CDK6: variants seen among roughly 807,000 people sequenced by gnomAD.
The protein encoded by CDK6 is cyclin-dependent kinase 6.
A neutral mutation model predicts 37.1 loss-of-function variants in CDK6; 6 were observed. The ratio of observed to expected loss-of-function variants is 0.16; its 90% CI spans 0.09 to 0.32. CDK6 has a LOEUF of 0.32. CDK6 is among the 10% of genes least tolerant of loss of function. The pLI is 1.00. For synonymous variants in CDK6, 160 were observed against 161.3 expected, an observed-to-expected ratio of 0.99 and a Z score of 0.06; for missense variants, 224 against 418.9, an observed-to-expected ratio of 0.53 and a Z score of 4.06.
In CDK6 at chr7:92,679,814, G is replaced by A. The variant is rs377497640; in HGVS notation, c.538-8279C>T. ...CGGCTCACTGCAACCTCGGTCTCCC[G>A]GGTTCAAGTGATTCTCCTGCCTCAG... is the stretch of plus-strand genomic sequence containing the variant. On this transcript the variant is annotated intron_variant, in intron 4 of 7. Transcript: ENST00000424848. 1.5e-3 allele frequency among the ~76,000 whole-genome samples: 227 copies of A among 151,406 alleles called. 1 individual carries two copies. The highest frequency in any genetic ancestry group is 0.01 in the Middle Eastern group (3 of 292).
At chr7:92,675,408 G>C (rs188835599) in intron 4 of CDK6, among the ~76,000 whole-genome samples, 40 of 152,008 alleles carry the variant, frequency 2.6e-4, no homozygotes, top group African/African-American at 9.4e-4. Context: ...TATTAATGAC[G>C]TATTAGTTAC....
Position 92,770,606 on chromosome 7 carries a change from C to T in CDK6, c.369+4090G>A, listed in dbSNP as rs143009333. ...ATGGCACTTAAGTGCACTTCAAAAACTGTTAGGTGATATAAGTAAGCTAGA... is the reference window on the plus strand; with the variant it reads ...ATGGCACTTAAGTGCACTTCAAAAATTGTTAGGTGATATAAGTAAGCTAGA... On this transcript the variant is annotated intron_variant, in intron 3 of 7. Coordinates refer to ENST00000424848, the MANE Select transcript of CDK6 (RefSeq NM_001145306.2). Among the ~76,000 whole-genome samples the T allele has an allele frequency of 2.1e-3, 315 of 152,104 alleles. 1 individual carries two copies. The highest frequency in any genetic ancestry group is 7.3e-3 in the African/African-American group (302 of 41,506).
At chr7:92,821,874 A>G (rs1801182760) in intron 2 of CDK6, among the ~76,000 whole-genome samples, 1 of 152,084 alleles carries the variant, frequency 6.6e-6, no homozygotes, top group Non-Finnish European at 1.5e-5. Context: ...GACAAGGTTC[A>G]TAATGGGACT....
chr7:92,737,169 T>C (rs1383688323), intron 3 of CDK6, among the ~76,000 whole-genome samples: 3 of 152,202 alleles, frequency 2.0e-5, no homozygotes, highest in African/African-American at 7.2e-5. Context: ...GGTTCAGCAC[T>C]GGTGCCACTA....
intron 4 of CDK6, among the ~76,000 whole-genome samples, chr7:92,673,685 A>G (rs1410370408): frequency 6.6e-6 from 1 of 152,182 alleles, no homozygotes; most frequent in Non-Finnish European, 1.5e-5. Context: ...GGTTTTAGAA[A>G]AACTTAGGTG....
intron 3 of CDK6, among the ~76,000 whole-genome samples, chr7:92,738,777 T>C (rs112620892): frequency 0.016 from 2,512 of 152,298 alleles, 81 homozygotes; most frequent in African/African-American, 0.058. Context: ...ACAATTTATG[T>C]ATTCAGTGCT....
intron 5 of CDK6, among the ~76,000 whole-genome samples, chr7:92,625,219 AAC>A (rs71699291): frequency 0.24 from 34,233 of 141,598 alleles, 4,175 homozygotes; most frequent in East Asian, 0.58. Flanking sequence ...GTGGTAACTA[AAC>A]ACACACACAC....
At chr7:92,700,484 A>G (rs368079740) in intron 4 of CDK6, among the ~76,000 whole-genome samples, 83 of 152,356 alleles carry the variant, frequency 5.4e-4, no homozygotes, top group African/African-American at 2.0e-3. Flanking sequence ...TGAATCTAGG[A>G]TAAGTCCCAG....
chr7:92,799,927 T>A (rs1800526184), intron 2 of CDK6, among the ~76,000 whole-genome samples: 1 of 152,142 alleles, frequency 6.6e-6, no homozygotes, highest in South Asian at 2.1e-4. Context: ...ACTGAGTTCA[T>A]CATTGTCCCT....
At chr7:92,712,867 T>C (rs1562943799) in intron 4 of CDK6, among the ~76,000 whole-genome samples, 1 of 151,530 alleles carries the variant, frequency 6.6e-6, no homozygotes, top group Non-Finnish European at 1.5e-5. Context: ...TGTATGTATG[T>C]ATGTATGTAT....
rs1374477819 is a variant in CDK6, at chr7:92,672,242, C to CACACAT, written c.538-708_538-707insATGTGT. 4.7e-3 allele frequency among the ~76,000 whole-genome samples: 544 copies of CACACAT among 116,192 alleles called. 3 individuals carry two copies. The highest frequency in any genetic ancestry group is 8.8e-3 in the African/African-American group (203 of 23,048). The allele number at this position is 116,192 out of a possible 152,430, so 76.2% of individuals were successfully genotyped here. On this transcript the variant is annotated intron_variant, in intron 4 of 7. Transcript: ENST00000424848. The stretch of plus-strand genomic sequence containing the variant: ...ACACACACACACACACACACACACA[C>CACACAT]ATATATGAAGATGGTGCCAGGGCTG...
At chr7:92,761,228 T>C (rs1356637539) in intron 3 of CDK6, among the ~76,000 whole-genome samples, 4 of 152,160 alleles carry the variant, frequency 2.6e-5, no homozygotes, top group Non-Finnish European at 5.9e-5. Flanking sequence ...AAAACTCTAC[T>C]ACCAGATCTG....
intron 4 of CDK6, among the ~76,000 whole-genome samples, chr7:92,683,717 G>C (rs1797387600): frequency 6.6e-6 from 1 of 152,100 alleles, no homozygotes. Flanking sequence ...GGTGGGGGGG[G>C]GGTCCCCACT....
At chr7:92,707,374 C>G (rs921923501) in intron 4 of CDK6, among the ~76,000 whole-genome samples, 1 of 152,126 alleles carries the variant, frequency 6.6e-6, no homozygotes, top group African/African-American at 2.4e-5. Flanking sequence ...GAATACGTCC[C>G]TTTAACCATG....
Position 92,606,066 on chromosome 7 carries a change from C to T in CDK6, c.*9074G>A, listed in dbSNP as rs1039492683. The T allele has an allele frequency of 4.3e-6, 1 of 233,524 alleles. No homozygotes were observed. Among genetic ancestry groups the T allele is most frequent in the Non-Finnish European group, 8.5e-6 (1 of 118,016 alleles). The allele number at this position is 233,524 out of a possible 1,614,324, so 14.5% of individuals were successfully genotyped here. The stretch of plus-strand genomic sequence containing the variant: ...AGAATAATTATGCACCTTTAAGGAA[C>T]ATGCACCCTTATAAGTCTGTACCCT... On this transcript the variant is annotated 3_prime_UTR_variant, in exon 8 of 8. Transcript: ENST00000424848.
chr7:92,739,246 T>C (rs1193746848), intron 3 of CDK6, among the ~76,000 whole-genome samples: 5 of 152,222 alleles, frequency 3.3e-5, no homozygotes, highest in Non-Finnish European at 5.9e-5. Flanking sequence ...CCCATTCATT[T>C]GTGGCTTCAA....
chr7:92,829,924 G>A (rs1000638067), intron 2 of CDK6, among the ~76,000 whole-genome samples: 5 of 152,204 alleles, frequency 3.3e-5, no homozygotes, highest in Admixed American at 6.5e-5. Flanking sequence ...ACTTTTCCAG[G>A]CTTGTTCATT....
chr7:92,754,562 C>T (rs1162085821), intron 3 of CDK6, among the ~76,000 whole-genome samples: 1 of 152,204 alleles, frequency 6.6e-6, no homozygotes, highest in Non-Finnish European at 1.5e-5. Context: ...TCCCTCTGTG[C>T]TGGTAATCAG....
intron 4 of CDK6, chr7:92,725,304 C>T: frequency 1.0e-6 from 1 of 985,396 alleles, no homozygotes; most frequent in Non-Finnish European, 1.2e-6. Context: ...TGTGTGTTCC[C>T]TAGGCATTGT....
Sources: allele counts gnomAD v4.1 joint callset (sites outside exome capture counted in the v4.1 genomes callset), GRCh38; gene constraint gnomAD v4.1.1; transcripts MANE v1.5; gene names NCBI Gene and HGNC (gene_info 2026-07-23, HGNC 2026-07-21).